RANBP9: variants seen among roughly 807,000 people sequenced by gnomAD.
The protein encoded by RANBP9 is ran-binding protein 9.
A neutral mutation model predicts 84.3 loss-of-function variants in RANBP9; 15 were observed. That is an observed-to-expected ratio of 0.18 (90% confidence interval 0.12 to 0.27). The LOEUF (loss-of-function observed/expected upper bound fraction) is 0.27. Among genes scored for constraint, RANBP9 ranks in the 10% least tolerant of loss-of-function variants. The pLI, the probability that RANBP9 is intolerant of heterozygous loss-of-function variation, is 1.00. For missense variants in RANBP9, 809 were observed against 912.8 expected (o/e 0.89, Z 1.46); for synonymous variants, 392 against 349.6 (o/e 1.12, Z -1.35).
intron 11 of RANBP9, 167 bp from the exon 12 acceptor site, chr6:13,632,688 A>T (rs770696676): frequency 3.7e-4 from 244 of 655,028 alleles, no homozygotes; most frequent in Non-Finnish European, 5.6e-4. Flanking sequence ...ACTGCAGCTA[A>T]AAGATATACT....
At chr6:13,707,737 A>G (rs1465478685) in intron 1 of RANBP9, among the ~76,000 whole-genome samples, 3 of 152,234 alleles carry the variant, frequency 2.0e-5, no homozygotes, top group Non-Finnish European at 4.4e-5. Flanking sequence ...ACTCTATAAA[A>G]TATCCAAATA....
At chr6:13,674,083 CAA>C (rs35496559) in intron 2 of RANBP9, among the ~76,000 whole-genome samples, 31 of 94,496 alleles carry the variant, frequency 3.3e-4, no homozygotes, top group Admixed American at 3.3e-4. Flanking sequence ...GACCTTGTCT[CAA>C]AAAAAAAAAA....
chr6:13,696,433 C>T (rs1159091419), intron 2 of RANBP9, among the ~76,000 whole-genome samples: 1 of 152,148 alleles, frequency 6.6e-6, no homozygotes, highest in Non-Finnish European at 1.5e-5. Context: ...TATGAATCAC[C>T]AACTGACTAT....
At chr6:13,625,819 A>C in intron 12 of RANBP9, 55 bp from the exon 13 acceptor site, 2 of 1,287,344 alleles carry the variant, frequency 1.6e-6, no homozygotes, top group Non-Finnish European at 2.3e-6. Flanking sequence ...TATTATGCTC[A>C]CAAATGTTTC....
intron 9 of RANBP9, among the ~76,000 whole-genome samples, chr6:13,639,074 T>A (rs142144860): frequency 6.6e-6 from 1 of 152,326 alleles, no homozygotes; most frequent in East Asian, 1.9e-4. Flanking sequence ...CAGACAGCTG[T>A]TCTTCAAGTG....
At chr6:13,659,664 CATT>C (rs1290775264) in intron 2 of RANBP9, among the ~76,000 whole-genome samples, 2 of 152,090 alleles carry the variant, frequency 1.3e-5, no homozygotes, top group African/African-American at 4.8e-5. Flanking sequence ...GCTAATTGCC[CATT>C]ATTGTTATCA....
chr6:13,694,197 T>C (rs1398154247), intron 2 of RANBP9, among the ~76,000 whole-genome samples: 1 of 152,182 alleles, frequency 6.6e-6, no homozygotes, highest in Non-Finnish European at 1.5e-5. Flanking sequence ...AAAAGAAAAC[T>C]TATGTTTACA....
At chr6:13,695,401 G>GT (rs773285024) in intron 2 of RANBP9, among the ~76,000 whole-genome samples, 30,756 of 84,454 alleles carry the variant, frequency 0.36, 5,888 homozygotes, top group African/African-American at 0.4. Context: ...CCAACCAAAT[G>GT]TTTTTTTTTT....
At chr6:13,640,068 T>C (rs1363292599) in intron 8 of RANBP9, among the ~76,000 whole-genome samples, 2 of 152,192 alleles carry the variant, frequency 1.3e-5, no homozygotes, top group Non-Finnish European at 2.9e-5. Context: ...CAAAATAACA[T>C]TTGCGCTTGG....
chr6:13,650,171 T>TA (rs1765264995), intron 5 of RANBP9, among the ~76,000 whole-genome samples: 1 of 151,348 alleles, frequency 6.6e-6, no homozygotes. Flanking sequence ...TTTTTGTTTT[T>TA]TTTTTTTTTA....
Position 13,657,093 on chromosome 6 carries a change from T to A in RANBP9, c.904+16A>T. On this transcript the variant is annotated intron_variant, in intron 4 of 13. Transcript: ENST00000011619. ...CCATATTTGGTTATTTTGCATGCAA[T>A]ATATTATCTCAGTACCTAAACTATG... 1 of 1,577,178 alleles carries A rather than the reference T, an allele frequency of 6.3e-7. No homozygotes were observed. Among genetic ancestry groups the A allele is most frequent in the Non-Finnish European group, 8.6e-7 (1 of 1,157,432 alleles).
At chr6:13,627,624 C>A in intron 12 of RANBP9, among the ~76,000 whole-genome samples, 1 of 109,824 alleles carries the variant, frequency 9.1e-6, no homozygotes, top group South Asian at 3.6e-4. Flanking sequence ...AGAGAGACTC[C>A]ATCTCCAAAA....
intron 13 of RANBP9, 102 bp downstream of exon 13, chr6:13,625,551 T>C (rs1764578606): frequency 1.4e-6 from 1 of 693,406 alleles, no homozygotes; most frequent in Admixed American, 2.3e-5. Context: ...ATAGAAAACA[T>C]TTTCCTGATG....
chr6:13,684,433 G>C (rs1364865220), intron 2 of RANBP9, among the ~76,000 whole-genome samples: 2 of 152,134 alleles, frequency 1.3e-5, no homozygotes, highest in Admixed American at 6.5e-5. Context: ...GGTCCATTTA[G>C]ATATTCCCTC....
chr6:13,700,271 C>G (rs149911006), intron 1 of RANBP9, among the ~76,000 whole-genome samples: 2,044 of 152,316 alleles, frequency 0.013, 43 homozygotes, highest in African/African-American at 0.047. Context: ...AGCCGTCCTT[C>G]TATCAGTAGC....
chr6:13,670,180 C>G (rs1275370137), intron 2 of RANBP9, among the ~76,000 whole-genome samples: 1 of 152,088 alleles, frequency 6.6e-6, no homozygotes, highest in Non-Finnish European at 1.5e-5. Flanking sequence ...GTAGTCCCAG[C>G]TTCTCGGGAG....
In RANBP9 at chr6:13,637,940, C is replaced by T; in HGVS notation, c.1541G>A (p.Ser514Asn). 9 of 1,595,654 alleles carry T rather than the reference C, an allele frequency of 5.6e-6. No homozygotes were observed. Among genetic ancestry groups the T allele is most frequent in the Non-Finnish European group, 7.7e-6 (9 of 1,174,052 alleles). Residue 514 changes from serine (S) to asparagine (N), a missense_variant, in exon 10 of 14, where the codon AGT becomes AAT. By Grantham distance (46) the Ser-to-Asn change is conservative. Transcript: ENST00000011619. ...TAHFSGFESC[S>N]NGVISNKAHQ... is the part of the protein sequence containing the mutation. ...TGCTTTATTTGATATTACACCATTA[C>T]TACAACTTTCAAAACCTGAAGAAAA...
intron 2 of RANBP9, among the ~76,000 whole-genome samples, chr6:13,683,223 A>G (rs183933580): frequency 1.6e-4 from 24 of 152,318 alleles, no homozygotes; most frequent in Admixed American, 4.6e-4. Flanking sequence ...CCAACAGATC[A>G]TTTCTCCTTA....
intron 2 of RANBP9, among the ~76,000 whole-genome samples, chr6:13,673,200 AG>A (rs1442537996): frequency 6.6e-6 from 1 of 152,218 alleles, no homozygotes; most frequent in Non-Finnish European, 1.5e-5. Flanking sequence ...GAATTATATC[AG>A]ATTTCTCTTC....
Sources: gnomAD v4.1 joint callset for allele counts (sites outside exome capture counted in the v4.1 genomes callset) on GRCh38, gnomAD v4.1.1 for gene constraint, MANE v1.5 for transcripts, NCBI Gene and HGNC (gene_info 2026-07-23, HGNC 2026-07-21) for gene names.